The following EIF4G1 variants were observed in gnomAD, a reference collection of about 807,000 sequenced individuals.
EIF4G1 encodes the protein EIF4-gamma.
In EIF4G1, 4 loss-of-function variants were observed where a neutral mutation model predicts 187.8. The observed-to-expected ratio is 0.02, with a 90% CI of 0.01 to 0.05. The LOEUF (loss-of-function observed/expected upper bound fraction) is 0.05, where lower values mean the gene tolerates loss of function less well. Among genes scored for constraint, EIF4G1 ranks in the 10% least tolerant of loss-of-function variants. The pLI is 1.00. For missense variants in EIF4G1, 1,647 were observed against 2,081.1 expected, an observed-to-expected ratio of 0.79 and a Z score of 4.06; for synonymous variants, 844 against 781.4, an observed-to-expected ratio of 1.08 and a Z score of -1.34.
intron 28 of EIF4G1, among the ~76,000 whole-genome samples, chr3:184,330,372 CT>C (rs1725814742): frequency 6.6e-6 from 1 of 151,852 alleles, no homozygotes; most frequent in Non-Finnish European, 1.5e-5. Context: ...GAGCAAGACT[CT>C]GTCTCAAAAT....
chr3:184,315,822 G>GCCCCGCCCCC lies in EIF4G1; in HGVS notation c.30_31insGCCCCCCCCC (p.Pro11AlafsTer47). 2 of 1,544,486 alleles carry GCCCCGCCCCC rather than the reference G, an allele frequency of 1.3e-6. No individual in the cohort carries two copies. The highest frequency in any genetic ancestry group is 1.4e-5 in the African/African-American group (1 of 72,990). Reference sequence around the variant, plus strand: ...ATGAACAAAGCTCCACAGTCCACAGGCCCCCCACCCGCCCCATCCCCCGGA... The same window carrying GCCCCGCCCCC: ...ATGAACAAAGCTCCACAGTCCACAGGCCCCGCCCCCCCCCCCACCCGCCCCATCCCCCGGA... On this transcript the variant is annotated frameshift_variant, in exon 3 of 33. Transcript: ENST00000346169. LOFTEE classifies it high-confidence loss of function.
rs958288809 is a variant in EIF4G1 at position 184,335,188 on chromosome 3, C to T, written c.*280C>T. 6 of 434,260 alleles carry T rather than the reference C, an allele frequency of 1.4e-5. No individual in the cohort carries two copies. Among genetic ancestry groups the T allele is most frequent in the African/African-American group, 2.0e-5 (1 of 50,440 alleles). The allele number at this position is 434,260 out of a possible 1,614,324, so 26.9% of individuals were successfully genotyped here. ...GTCTTGGGGTGGGGAGGGGCACCAA[C>T]GCCTGCCCCTGGGGTCCTTTTTTTT... On this transcript the variant is annotated 3_prime_UTR_variant, in exon 33 of 33. Transcript: ENST00000346169.
At chr3:184,315,956 C>T in intron 3 of EIF4G1, 100 bp downstream of exon 3, 1 of 1,507,230 alleles carries the variant, frequency 6.6e-7, no homozygotes, top group Middle Eastern at 2.0e-4. Context: ...CAAAGTGCAG[C>T]CGCCTGCTGC....
In EIF4G1 at chr3:184,322,759, T is replaced by G. The variant is rs765324084; in HGVS notation, c.1795+29T>G. The stretch of plus-strand genomic sequence containing the variant: ...TGCTGAAGAAAGGGTTGAGAATGGC[T>G]TGAGTTTTCTTATTAGGGCCAGAGG... On this transcript the variant is annotated intron_variant, in intron 12 of 32. Transcript: ENST00000346169. 4 of 1,614,224 alleles carry G rather than the reference T, an allele frequency of 2.5e-6. No homozygotes were observed. The East Asian group carries it at 8.9e-5, about 36-fold the overall frequency.
chr3:184,324,766 G>A lies in EIF4G1; in HGVS notation c.2620-112G>A, dbSNP rs1254846923. On this transcript the variant is annotated intron_variant, in intron 17 of 32. Coordinates refer to ENST00000346169, the MANE Select transcript of EIF4G1 (RefSeq NM_198241.3). The stretch of plus-strand genomic sequence containing the variant: ...AGGCATGAGCCACTATGCCCAGCCA[G>A]CCGGCCTCAGGACTGAGTGCTTATT... 5.0e-6 allele frequency: 6 copies of A among 1,204,530 alleles called. No homozygotes were observed. In the Admixed American group the frequency reaches 5.0e-5, roughly 10 times the overall value. The allele number at this position is 1,204,530 out of a possible 1,614,324, so 74.6% of individuals were successfully genotyped here.
At position 184,325,882 on chromosome 3, in the gene EIF4G1, C is replaced by T; in HGVS notation, c.3153C>T (p.Gly1051=). The T allele has an allele frequency of 6.2e-7, 1 of 1,614,150 alleles. No individual in the cohort carries two copies. Among genetic ancestry groups the T allele is most frequent in the South Asian group, 1.1e-5 (1 of 91,080 alleles). Residue 1051 remains glycine, a synonymous_variant, in exon 21 of 33, where the codon GGC becomes GGT. Coordinates refer to ENST00000346169, the MANE Select transcript of EIF4G1 (RefSeq NM_198241.3). This position sits in a 1 kb window ranked among gnomAD's most constrained non-coding sequence, Gnocchi z 5.2. ...GACTTCCCCTTGTGGATGATGGTGG[C>T]TGGAACACAGTTCCCATCAGCAAAG... is the stretch of plus-strand genomic sequence containing the variant. The part of the protein sequence containing the change: ...SRGLPLVDDG[G]WNTVPISKGS...
rs1726106066 is a variant in EIF4G1, at chr3:184,331,608, TAGGTTTCTCCTGGATATCG to T, written c.4395+4_4395+22del. 1 of 1,601,124 alleles carries T rather than the reference TAGGTTTCTCCTGGATATCG, an allele frequency of 6.2e-7. No individual in the cohort carries two copies. Among genetic ancestry groups the T allele is most frequent in the Admixed American group, 1.7e-5 (1 of 57,252 alleles). On this transcript the variant is annotated splice_donor_5th_base_variant and intron_variant, in intron 30 of 32. Transcript: ENST00000346169. ...CAGCGGGTGTTCGACTGGATAGAGGTAGGTTTCTCCTGGATATCGATAAAGGAAAGGTAGTTCTTAGGGT... is the reference window on the plus strand; with the variant it reads ...CAGCGGGTGTTCGACTGGATAGAGGTATAAAGGAAAGGTAGTTCTTAGGGT...
At chr3:184,326,665 G>C (rs760289022) in intron 22 of EIF4G1, 36 bp downstream of exon 22, 3 of 1,602,088 alleles carry the variant, frequency 1.9e-6, no homozygotes, top group African/African-American at 2.7e-5. Flanking sequence ...GTGGTTACCC[G>C]TCAGAGCTCC....
At chr3:184,318,066 G>A (rs868059679) in intron 6 of EIF4G1, among the ~76,000 whole-genome samples, 115 of 152,204 alleles carry the variant, frequency 7.6e-4, no homozygotes, top group African/African-American at 2.7e-3. Context: ...ACCAGCCTGA[G>A]AGCCTATTAG....
chr3:184,327,564 A>C (rs1207292642), intron 24 of EIF4G1, 22 bp from the exon 25 acceptor site: 5 of 1,613,404 alleles, frequency 3.1e-6, no homozygotes. Flanking sequence ...AAGTCCCTCT[A>C]ATCTGTGTTC....
intron 10 of EIF4G1, 71 bp from the exon 11 acceptor site, chr3:184,322,291 T>C: frequency 1.3e-6 from 2 of 1,554,316 alleles, no homozygotes; most frequent in Non-Finnish European, 1.8e-6. Flanking sequence ...GCTTTCTATT[T>C]CCCAGGGATT....
chr3:184,318,309 G>T (rs891142270), intron 6 of EIF4G1, among the ~76,000 whole-genome samples: 7 of 152,180 alleles, frequency 4.6e-5, no homozygotes, highest in Non-Finnish European at 5.9e-5. Context: ...ACTTGTGCTT[G>T]TCAAAAACAA....
In EIF4G1 at chr3:184,326,507, A is replaced by C; in HGVS notation, c.3223-20A>C. 6.2e-7 allele frequency: 1 copy of C among 1,612,196 alleles called. No individual in the cohort carries two copies. The highest frequency in any genetic ancestry group is 8.5e-7 in the Non-Finnish European group (1 of 1,179,644). ...TCAGCCGGGTTGGACCTATGATTCTACTCCCCTTTTCTTCTTCAGCCTGGC... is the reference window on the plus strand; with the variant it reads ...TCAGCCGGGTTGGACCTATGATTCTCCTCCCCTTTTCTTCTTCAGCCTGGC... On this transcript the variant is annotated intron_variant, in intron 21 of 32. Transcript: ENST00000346169.
chr3:184,315,453 C>T, intron 1 of EIF4G1, 36 bp from the exon 2 acceptor site: 1 of 587,032 alleles, frequency 1.7e-6, no homozygotes, highest in South Asian at 1.4e-5. Context: ...TGGGGCCCCG[C>T]GGAGCCAGGT....
Position 184,316,151 on chromosome 3 carries a change from A to G in EIF4G1, c.80A>G (p.Gln27Arg). 4 of 1,614,106 alleles carry G rather than the reference A, an allele frequency of 2.5e-6. No individual in the cohort carries two copies. The highest frequency in any genetic ancestry group is 3.4e-6 in the Non-Finnish European group (4 of 1,180,014). Residue 27 changes from glutamine to arginine, a missense_variant, in exon 4 of 33, where the codon CAG (glutamine) becomes CGG (arginine). This residue lies in a region of EIF4G1 where 61 missense variants were observed against 49.5 expected (regional missense o/e 1.23). Transcript: ENST00000346169. ...GLPQPAFPPG[Q>R]TAPVVFSTPQ... is the part of the protein sequence containing the mutation. Reference sequence around the variant, plus strand: ...CTTCAGCCAGCGTTTCCCCCGGGGCAGACAGCGCCGGTGGTGTTCAGTACG... The same window carrying G: ...CTTCAGCCAGCGTTTCCCCCGGGGCGGACAGCGCCGGTGGTGTTCAGTACG...
At chr3:184,328,593 C>T in intron 26 of EIF4G1, 38 bp from the exon 27 acceptor site, 1 of 1,614,036 alleles carries the variant, frequency 6.2e-7, no homozygotes, top group Non-Finnish European at 8.5e-7. Context: ...GAGTGGGGAC[C>T]TGGCCTAGAA....
intron 23 of EIF4G1, 46 bp from the exon 24 acceptor site, chr3:184,327,170 G>A (rs757358358): frequency 2.6e-5 from 42 of 1,607,582 alleles, no homozygotes; most frequent in Middle Eastern, 2.2e-4. Flanking sequence ...TTACATGAGT[G>A]CCTGGGCAGT....
rs200915265 is a variant in EIF4G1, at chr3:184,325,129, A to G, written c.2856+15A>G. Reference sequence around the variant, plus strand: ...AAAAAGCCAAGGTAGAGGTCCTTGCATCTGGAGGGGGATGGGCTGAAGCAT... The same window carrying G: ...AAAAAGCCAAGGTAGAGGTCCTTGCGTCTGGAGGGGGATGGGCTGAAGCAT... On this transcript the variant is annotated intron_variant, in intron 18 of 32. Coordinates refer to ENST00000346169, the MANE Select transcript of EIF4G1 (RefSeq NM_198241.3). This position sits in a 1 kb window ranked among gnomAD's most constrained non-coding sequence, Gnocchi z 5.2. 96 of 1,613,076 alleles carry G rather than the reference A, an allele frequency of 6.0e-5. No individual in the cohort carries two copies. In the African/African-American group the frequency reaches 9.7e-4, roughly 16 times the overall value.
chr3:184,315,132 C>G, intron 1 of EIF4G1: 2 of 337,534 alleles, frequency 5.9e-6, no homozygotes. Context: ...CAGGGAGGAG[C>G]CCCCGGCCCC....
Sources: gnomAD v4.1 joint callset for allele counts (sites outside exome capture counted in the v4.1 genomes callset) on GRCh38, gnomAD v4.1.1 for gene constraint, gnomAD v4.1.1 regional missense constraint, Gnocchi (gnomAD v3.1) non-coding constraint, MANE v1.5 for transcripts, NCBI Gene and HGNC (gene_info 2026-07-23, HGNC 2026-07-21) for gene names.